Variants in RBFOX1 observed in about 807,000 individuals in gnomAD.
The protein encoded by RBFOX1 is RNA binding fox-1 homolog 1.
Under a neutral mutation model 57.7 loss-of-function variants are expected in RBFOX1, and 8 were observed. That is an observed-to-expected ratio of 0.14 (90% CI 0.08 to 0.25). The LOEUF (loss-of-function observed/expected upper bound fraction) is 0.25. Among genes scored for constraint, RBFOX1 ranks in the 10% least tolerant of loss-of-function variants. The pLI, the probability that RBFOX1 is intolerant of heterozygous loss-of-function variation, is 1.00. For missense variants in RBFOX1, 611 were observed against 548.5 expected, an observed-to-expected ratio of 1.11 and a Z score of -1.14; for synonymous variants, 326 against 222.4, an observed-to-expected ratio of 1.47 and a Z score of -4.15.
intron 1 of RBFOX1, among the ~76,000 whole-genome samples, chr16:6,189,998 T>G (rs943601150): frequency 1.6e-4 from 24 of 152,186 alleles, no homozygotes; most frequent in Admixed American, 6.5e-5. Context: ...GTTTGAGGTC[T>G]TAGATTGAAA....
intron 3 of RBFOX1, among the ~76,000 whole-genome samples, chr16:5,705,137 T>C (rs1037132445): frequency 1.3e-5 from 2 of 152,188 alleles, no homozygotes; most frequent in African/African-American, 4.8e-5. Context: ...AATAAATCAT[T>C]TGGTTCCTGC....
Position 5,977,148 on chromosome 16 carries a change from G to A in RBFOX1, c.351+109813G>A, listed in dbSNP as rs147810103. On this transcript the variant is annotated intron_variant, in intron 4 of 19. Transcript: ENST00000641259. ...CTAAATTCCGGAAACCACTGGACTG[G>A]ACCACCCATCTCTGTAGCTATATTG... is the stretch of plus-strand genomic sequence containing the variant. Among the ~76,000 whole-genome samples the A allele has an allele frequency of 5.7e-4, 86 of 152,204 alleles. 1 individual carries two copies. The Middle Eastern group carries it at 0.014, about 24-fold the overall frequency.
intron 2 of RBFOX1, among the ~76,000 whole-genome samples, chr16:6,479,825 A>G (rs111982090): frequency 0.097 from 14,674 of 152,002 alleles, 2,149 homozygotes; most frequent in African/African-American, 0.32. Context: ...CGAGGCAGGC[A>G]GATCATTTGA....
intron 3 of RBFOX1, among the ~76,000 whole-genome samples, chr16:6,865,610 T>G (rs1567623347): frequency 1.3e-5 from 2 of 152,228 alleles, no homozygotes; most frequent in Admixed American, 6.5e-5. Context: ...TTTTTTAATT[T>G]AATAAGATAC....
intron 2 of RBFOX1, among the ~76,000 whole-genome samples, chr16:6,363,154 A>G (rs908199595): frequency 1.3e-5 from 2 of 152,200 alleles, no homozygotes; most frequent in African/African-American, 4.8e-5. Context: ...AATTGGCTTC[A>G]AAAGCATTTT....
intron 4 of RBFOX1, among the ~76,000 whole-genome samples, chr16:7,109,387 T>C (rs932377543): frequency 1.3e-5 from 2 of 152,000 alleles, no homozygotes; most frequent in African/African-American, 4.8e-5. Context: ...GCCAATGAGA[T>C]TATTGAGTTA....
chr16:7,507,961 T>C (rs2073920734), intron 4 of RBFOX1, among the ~76,000 whole-genome samples: 1 of 151,840 alleles, frequency 6.6e-6, no homozygotes, highest in Non-Finnish European at 1.5e-5. Flanking sequence ...CAGCTGAAAC[T>C]CTTTAACTCT....
chr16:7,289,215 G>A lies in RBFOX1; in HGVS notation c.28-228932G>A, dbSNP rs141624363. On this transcript the variant is annotated intron_variant, in intron 4 of 15. Coordinates refer to ENST00000550418, the MANE Select transcript of RBFOX1 (RefSeq NM_018723.4). ...TTTGCTTCCTTAGTCAAACACTAGA[G>A]TTGAGAGAGAAAGCAAGATTGGAAG... Among the ~76,000 whole-genome samples, 15 of 152,296 alleles carry A rather than the reference G, an allele frequency of 9.8e-5. No individual in the cohort carries two copies. In the East Asian group the frequency reaches 2.1e-3, roughly 22 times the overall value.
At chr16:5,702,279 C>T (rs540738605) in intron 3 of RBFOX1, among the ~76,000 whole-genome samples, 47 of 152,216 alleles carry the variant, frequency 3.1e-4, no homozygotes, top group African/African-American at 7.0e-4. Context: ...CTTCACATGC[C>T]GGCAGGAGAT....
chr16:6,518,775 CTGTCTGTCTGTCTGTG>C (rs2096437484), intron 2 of RBFOX1, among the ~76,000 whole-genome samples: 1 of 73,508 alleles, frequency 1.4e-5, no homozygotes, highest in Non-Finnish European at 3.1e-5. Flanking sequence ...ATCTATCCAT[CTGTCTGTCTGTCTGTG>C]TGTCTGTCTA....
At chr16:7,063,380 G>C (rs567953493) in intron 4 of RBFOX1, among the ~76,000 whole-genome samples, 4 of 152,220 alleles carry the variant, frequency 2.6e-5, no homozygotes, top group East Asian at 1.9e-4. Flanking sequence ...AGAGGAACTT[G>C]TGATGTTACG....
rs918158065 is a variant in RBFOX1 at position 7,018,797 on chromosome 16, A to G, written c.-15-33260A>G. 4.1e-4 allele frequency among the ~76,000 whole-genome samples: 62 copies of G among 151,204 alleles called. 1 individual carries two copies. The highest frequency in any genetic ancestry group is 1.3e-3 in the African/African-American group (52 of 40,974). ...TATACCTTAAAGTATTAAAAAAAAA[A>G]AAGAAGAAATACAACGTCTACAGAT... On this transcript the variant is annotated intron_variant, in intron 3 of 15. Transcript: ENST00000550418.
chr16:5,812,415 T>C (rs971666601), intron 3 of RBFOX1, among the ~76,000 whole-genome samples: 1 of 152,068 alleles, frequency 6.6e-6, no homozygotes, highest in African/African-American at 2.4e-5. Context: ...CTATAAAAGT[T>C]CTACTTCTCA....
chr16:6,482,082 A>G (rs1234983047), intron 2 of RBFOX1, among the ~76,000 whole-genome samples: 1 of 152,218 alleles, frequency 6.6e-6, no homozygotes, highest in Non-Finnish European at 1.5e-5. Flanking sequence ...GCATTTTAAT[A>G]TTTGCTTACC....
intron 3 of RBFOX1, among the ~76,000 whole-genome samples, chr16:6,683,191 A>G (rs2058929120): frequency 6.6e-6 from 1 of 152,214 alleles, no homozygotes; most frequent in Non-Finnish European, 1.5e-5. Context: ...AAATTGTCAC[A>G]TAAAAAAATA....
At chr16:5,552,305 A>C (rs1597492562) in intron 2 of RBFOX1, among the ~76,000 whole-genome samples, 1 of 152,142 alleles carries the variant, frequency 6.6e-6, no homozygotes, top group African/African-American at 2.4e-5. Context: ...GCCTCCTATG[A>C]GGCTAACATG....
intron 2 of RBFOX1, among the ~76,000 whole-genome samples, chr16:6,563,225 C>T (rs888258705): frequency 3.3e-5 from 5 of 152,132 alleles, no homozygotes; most frequent in African/African-American, 1.2e-4. Flanking sequence ...ACTTCCAAGA[C>T]AATTTTAGCA....
chr16:6,145,891 G>A (rs1233467245), intron 1 of RBFOX1, among the ~76,000 whole-genome samples: 1 of 152,076 alleles, frequency 6.6e-6, no homozygotes, highest in African/African-American at 2.4e-5. Context: ...TCACTCCTGG[G>A]GCAGGTATTT....
intron 3 of RBFOX1, among the ~76,000 whole-genome samples, chr16:7,038,381 A>T (rs2045162475): frequency 6.6e-6 from 1 of 152,166 alleles, no homozygotes; most frequent in Non-Finnish European, 1.5e-5. Flanking sequence ...AAACAAATAG[A>T]AATCATCTTT....
Sources: allele counts gnomAD v4.1 joint callset (sites outside exome capture counted in the v4.1 genomes callset), GRCh38; gene constraint gnomAD v4.1.1; transcripts MANE v1.5; gene names NCBI Gene and HGNC (gene_info 2026-07-23, HGNC 2026-07-21).